The following LRP6 variants were observed in gnomAD, a reference collection of about 807,000 sequenced individuals.
The protein encoded by LRP6 is low-density lipoprotein receptor-related protein 6.
LRP6 carries 43 observed loss-of-function variants against 184.1 expected under a neutral mutation model. The observed-to-expected ratio is 0.23, with a 90% CI of 0.18 to 0.30. The LOEUF is 0.30. Among genes scored for constraint, LRP6 ranks in the 10% least tolerant of loss-of-function variants. The pLI is 1.00. For synonymous variants in LRP6, 719 were observed against 684.9 expected (o/e 1.05, Z -0.78); for missense variants, 1,571 against 2,005.3 (o/e 0.78, Z 4.14).
At position 12,120,695 on chromosome 12, in the gene LRP6, T is replaced by C. The variant is rs1278387579; in HGVS notation, c.*431A>G. Reference sequence around the variant, plus strand: ...ACTGAAGGCTATCTGGCTACATCCATGTATCTATGGTTTGCTGCTCTGAGA... The same window carrying C: ...ACTGAAGGCTATCTGGCTACATCCACGTATCTATGGTTTGCTGCTCTGAGA... On this transcript the variant is annotated 3_prime_UTR_variant, in exon 23 of 23. Coordinates refer to ENST00000261349, the MANE Select transcript of LRP6 (RefSeq NM_002336.3). 6.5e-6 allele frequency: 1 copy of C among 154,000 alleles called. No individual in the cohort carries two copies. Among genetic ancestry groups the C allele is most frequent in the Non-Finnish European group, 1.4e-5 (1 of 69,098 alleles). 9.5% of individuals were successfully genotyped at this position (154,000 alleles called of 1,614,324 possible).
At position 12,116,971 on chromosome 12, in the gene LRP6, A is replaced by G. The variant is rs932702394; in HGVS notation, c.*4155T>C. ...TACTTATAATTTAAATTTTAAAAAA[A>G]TTATAAACGTATAATTTTATACTTG... On this transcript the variant is annotated 3_prime_UTR_variant, in exon 23 of 23. Coordinates refer to ENST00000261349, the MANE Select transcript of LRP6 (RefSeq NM_002336.3). 7 of 152,216 alleles carry G rather than the reference A, an allele frequency of 4.6e-5. No homozygotes were observed. Among genetic ancestry groups the G allele is most frequent in the African/African-American group, 1.7e-4 (7 of 41,452 alleles). 9.4% of individuals were successfully genotyped at this position (152,216 alleles called of 1,614,324 possible). A position where few individuals can be genotyped will look rare whatever the true frequency, so the allele number is the denominator to read the frequency against.
chr12:12,144,099 A>G (rs1949970239), intron 15 of LRP6, among the ~76,000 whole-genome samples: 2 of 152,250 alleles, frequency 1.3e-5, no homozygotes, highest in South Asian at 4.2e-4. Flanking sequence ...CTGGGAGAAT[A>G]AAAAAGGTAA....
intron 22 of LRP6, among the ~76,000 whole-genome samples, chr12:12,123,615 T>C (rs139867269): frequency 1.7e-4 from 26 of 152,318 alleles, no homozygotes; most frequent in East Asian, 1.3e-3. Flanking sequence ...AGTGTGTAGA[T>C]AGAAACTCTC....
intron 12 of LRP6, among the ~76,000 whole-genome samples, chr12:12,151,294 C>T (rs930293447): frequency 6.6e-6 from 1 of 152,054 alleles, no homozygotes; most frequent in African/African-American, 2.4e-5. Context: ...CCATCTTGTC[C>T]ACAGAGATAC....
Position 12,244,437 on chromosome 12 carries a change from AAAC to A in LRP6, c.271_273del (p.Val91del). ...AGCCCATCGGGGGACAATAATCCAG[AAAC>A]AACAACATTCTGCACACTCTCAGTT... On this transcript the variant is annotated inframe_deletion, in exon 2 of 23. Coordinates refer to ENST00000261349, the MANE Select transcript of LRP6 (RefSeq NM_002336.3). The A allele has an allele frequency of 6.2e-7, 1 of 1,614,214 alleles. No homozygotes were observed. The highest frequency in any genetic ancestry group is 8.5e-7 in the Non-Finnish European group (1 of 1,180,042).
rs889658401 is a variant in LRP6, at chr12:12,266,984, C to T, written c.-249G>A. On this transcript the variant is annotated 5_prime_UTR_variant, in exon 1 of 23. Coordinates refer to ENST00000261349, the MANE Select transcript of LRP6 (RefSeq NM_002336.3). ...CATCCCGCCGCCTCCTCCCCCGGCG[C>T]CCCGCTTCCCCCGCGCAGCTCCTCA... is the stretch of plus-strand genomic sequence containing the variant. The T allele has an allele frequency of 9.4e-6, 5 of 532,322 alleles. No homozygotes were observed. The East Asian group carries it at 1.4e-4, about 14-fold the overall frequency. The allele number at this position is 532,322 out of a possible 1,614,324, so 33.0% of individuals were successfully genotyped here.
In LRP6 at chr12:12,233,561, G is replaced by A. The variant is rs572443620; in HGVS notation, c.449+10701C>T. Among the ~76,000 whole-genome samples the A allele has an allele frequency of 6.6e-5, 10 of 152,238 alleles. No homozygotes were observed. In the East Asian group the frequency reaches 1.7e-3, roughly 26 times the overall value. On this transcript the variant is annotated intron_variant, in intron 2 of 22. Coordinates refer to ENST00000261349, the MANE Select transcript of LRP6 (RefSeq NM_002336.3). Reference sequence around the variant, plus strand: ...CTTTTCAATTAAGTCAACAAGGTGAGAGATAAAAAGGGAAAGGGGGAGGAC... The same window carrying A: ...CTTTTCAATTAAGTCAACAAGGTGAAAGATAAAAAGGGAAAGGGGGAGGAC...
intron 1 of LRP6, among the ~76,000 whole-genome samples, chr12:12,262,018 G>A (rs1001521291): frequency 1.2e-4 from 18 of 152,112 alleles, no homozygotes; most frequent in Non-Finnish European, 2.5e-4. Context: ...AGAGGTGGGT[G>A]GATCACCTGA....
At position 12,181,342 on chromosome 12, in the gene LRP6, G is replaced by A. The variant is rs1002035886; in HGVS notation, c.1074C>T (p.Asp358=). 6.2e-7 allele frequency: 1 copy of A among 1,613,434 alleles called. No individual in the cohort carries two copies. The highest frequency in any genetic ancestry group is 8.5e-7 in the Non-Finnish European group (1 of 1,179,484). The part of the protein sequence containing the change: ...DFTDIVLQLE[D]IRHAIAIDYD... ...AATCTATGGCAATGGCATGACGGAT[G>A]TCTTCTAACTGCAGAACAATGTCTG... The change falls in exon 6 of 23, where the codon GAC becomes GAT. Residue 358 remains aspartate (D), a synonymous_variant. Coordinates refer to ENST00000261349, the MANE Select transcript of LRP6 (RefSeq NM_002336.3).
chr12:12,216,884 T>C (rs541534983), intron 2 of LRP6, among the ~76,000 whole-genome samples: 1 of 151,358 alleles, frequency 6.6e-6, no homozygotes, highest in South Asian at 2.1e-4. Flanking sequence ...GTAATTTCCT[T>C]ACTTTCAGCA....
intron 14 of LRP6, among the ~76,000 whole-genome samples, chr12:12,148,415 T>C (rs1950039032): frequency 6.6e-6 from 1 of 152,202 alleles, no homozygotes; most frequent in Non-Finnish European, 1.5e-5. Flanking sequence ...GCTGAATACC[T>C]TATCATTGAC....
intron 2 of LRP6, among the ~76,000 whole-genome samples, chr12:12,235,319 C>T (rs1053752781): frequency 2.0e-5 from 3 of 152,018 alleles, no homozygotes; most frequent in Admixed American, 1.3e-4. Context: ...CTGGAATTGG[C>T]GATAACATGA....
At chr12:12,243,123 C>G (rs1232754800) in intron 2 of LRP6, among the ~76,000 whole-genome samples, 2 of 152,116 alleles carry the variant, frequency 1.3e-5, no homozygotes, top group African/African-American at 4.8e-5. Flanking sequence ...AGATAGTTAT[C>G]TATACTTAGC....
At chr12:12,231,052 G>A (rs934187286) in intron 2 of LRP6, among the ~76,000 whole-genome samples, 1 of 151,582 alleles carries the variant, frequency 6.6e-6, no homozygotes, top group East Asian at 1.9e-4. Context: ...GTGATGGCAG[G>A]CGCCTGTAAT....
intron 7 of LRP6, among the ~76,000 whole-genome samples, chr12:12,167,118 T>C (rs1202025147): frequency 1.3e-5 from 2 of 151,672 alleles, no homozygotes; most frequent in Non-Finnish European, 2.9e-5. Context: ...AGACAGAAAA[T>C]AGGTAAGAAT....
At chr12:12,220,169 T>A (rs1864451005) in intron 2 of LRP6, among the ~76,000 whole-genome samples, 1 of 151,682 alleles carries the variant, frequency 6.6e-6, no homozygotes, top group South Asian at 2.1e-4. Context: ...ACGCCTGCAG[T>A]CCCAGCTACT....
At chr12:12,211,076 G>A (rs1402455690) in intron 2 of LRP6, 1 of 152,234 alleles carries the variant, frequency 6.6e-6, no homozygotes, top group Non-Finnish European at 1.5e-5. Flanking sequence ...AAAGAGGATA[G>A]TGAAAGCATT....
chr12:12,195,012 T>A (rs943358497), intron 3 of LRP6, among the ~76,000 whole-genome samples: 1 of 152,152 alleles, frequency 6.6e-6, no homozygotes, highest in Admixed American at 6.5e-5. Context: ...GGTCTATCCA[T>A]ATTGCTGAGA....
intron 1 of LRP6, among the ~76,000 whole-genome samples, chr12:12,259,488 T>C (rs78595660): frequency 6.6e-6 from 1 of 152,164 alleles, no homozygotes; most frequent in Non-Finnish European, 1.5e-5. Context: ...CTACAAGTTA[T>C]GATACCGCTA....
Sources: gnomAD v4.1 joint callset for allele counts (sites outside exome capture counted in the v4.1 genomes callset) on GRCh38, gnomAD v4.1.1 for gene constraint, MANE v1.5 for transcripts, NCBI Gene and HGNC (gene_info 2026-07-23, HGNC 2026-07-21) for gene names.